Variants in KALRN observed in about 807,000 individuals in gnomAD.
KALRN encodes kalirin RhoGEF kinase.
KALRN carries 70 observed loss-of-function variants against 353.7 expected under a neutral mutation model. That is an observed-to-expected ratio of 0.20 (90% confidence interval 0.16 to 0.24). The LOEUF is 0.24. KALRN is among the 10% of genes least tolerant of loss of function. KALRN has a pLI of 1.00. For synonymous variants in KALRN, 1,391 were observed against 1,434.8 expected (o/e 0.97, Z 0.69); for missense variants, 2,791 against 3,756.7 (o/e 0.74, Z 6.72).
chr3:124,207,252 C>T (rs1249930835), intron 1 of KALRN, among the ~76,000 whole-genome samples: 1 of 152,230 alleles, frequency 6.6e-6, no homozygotes, highest in African/African-American at 2.4e-5. Flanking sequence ...GGCACATAGA[C>T]ATCCTTCCCT....
chr3:124,133,365 G>C (rs2065538804), intron 1 of KALRN, among the ~76,000 whole-genome samples: 1 of 152,196 alleles, frequency 6.6e-6, no homozygotes, highest in African/African-American at 2.4e-5. Flanking sequence ...CACAAGGTTT[G>C]TCTATTAAGT....
intron 58 of KALRN, among the ~76,000 whole-genome samples, chr3:124,716,269 A>ACAAGCC (rs2063129193): frequency 1.3e-5 from 2 of 152,202 alleles, no homozygotes; most frequent in African/African-American, 4.8e-5. Context: ...CATGTTTGTA[A>ACAAGCC]TCCCACCGTT....
At chr3:124,281,288 A>G (rs760841335) in intron 5 of KALRN, among the ~76,000 whole-genome samples, 3 of 152,168 alleles carry the variant, frequency 2.0e-5, no homozygotes, top group Non-Finnish European at 2.9e-5. Flanking sequence ...TCTGTAACAT[A>G]TGCGTTCTGG....
intron 13 of KALRN, among the ~76,000 whole-genome samples, chr3:124,405,289 C>T (rs1560826814): frequency 1.3e-5 from 2 of 152,148 alleles, no homozygotes; most frequent in South Asian, 4.1e-4. Flanking sequence ...ATGTTCAGAT[C>T]ACTCTGTAAT....
chr3:124,097,801 G>C (rs989962529), intron 1 of KALRN, among the ~76,000 whole-genome samples: 3 of 152,220 alleles, frequency 2.0e-5, no homozygotes, highest in Non-Finnish European at 4.4e-5. Context: ...TTATTTGACA[G>C]TGTACTACCA....
intron 57 of KALRN, among the ~76,000 whole-genome samples, chr3:124,707,736 A>G (rs963345572): frequency 5.3e-5 from 8 of 152,186 alleles, no homozygotes; most frequent in Non-Finnish European, 7.3e-5. Context: ...AAACTGCATG[A>G]CAATGCAGGA....
intron 55 of KALRN, among the ~76,000 whole-genome samples, chr3:124,698,265 C>T (rs926195181): frequency 2.1e-4 from 32 of 152,230 alleles, no homozygotes; most frequent in Admixed American, 6.5e-5. Flanking sequence ...CGTAAGCCAC[C>T]GCGCCCGGCC....
At chr3:124,436,414 A>G (rs1011832645) in intron 17 of KALRN, among the ~76,000 whole-genome samples, 2 of 152,248 alleles carry the variant, frequency 1.3e-5, no homozygotes, top group Non-Finnish European at 2.9e-5. Flanking sequence ...AAGTTTTTAC[A>G]TGTCTTTAAG....
At chr3:124,470,212 T>C (rs2060747869) in intron 25 of KALRN, among the ~76,000 whole-genome samples, 1 of 152,222 alleles carries the variant, frequency 6.6e-6, no homozygotes, top group African/African-American at 2.4e-5. Flanking sequence ...GCTTTGCTCA[T>C]TCCTTCACAA....
At chr3:124,267,342 G>A (rs1247256734) in intron 4 of KALRN, among the ~76,000 whole-genome samples, 1 of 152,176 alleles carries the variant, frequency 6.6e-6, no homozygotes, top group Non-Finnish European at 1.5e-5. Flanking sequence ...TGCAGATTCT[G>A]CCTCAATAGG....
chr3:124,618,897 C>T (rs1485595215), intron 34 of KALRN, among the ~76,000 whole-genome samples: 1 of 152,194 alleles, frequency 6.6e-6, no homozygotes, highest in African/African-American at 2.4e-5. Flanking sequence ...TCAGTTCCTA[C>T]TTATCCACTA....
intron 1 of KALRN, among the ~76,000 whole-genome samples, chr3:124,215,270 G>A (rs868730383): frequency 6.6e-6 from 1 of 152,140 alleles, no homozygotes; most frequent in African/African-American, 2.4e-5. Flanking sequence ...TGTAGTACTC[G>A]CCGAATAGCC....
chr3:124,526,453 T>C (rs2067599082), intron 33 of KALRN, among the ~76,000 whole-genome samples: 1 of 152,032 alleles, frequency 6.6e-6, no homozygotes, highest in Non-Finnish European at 1.5e-5. Context: ...CGTGCACCTG[T>C]AGTCCTAGCT....
chr3:124,718,455 T>C (rs561728860), intron 59 of KALRN, among the ~76,000 whole-genome samples: 2 of 152,134 alleles, frequency 1.3e-5, no homozygotes, highest in Non-Finnish European at 2.9e-5. Context: ...ATCTGGGCTG[T>C]CACACAATTT....
At chr3:124,695,723 T>A (rs2062021018) in intron 53 of KALRN, among the ~76,000 whole-genome samples, 1 of 152,112 alleles carries the variant, frequency 6.6e-6, no homozygotes, top group Non-Finnish European at 1.5e-5. Flanking sequence ...AAAATATTTT[T>A]ATTCTTGAGT....
intron 1 of KALRN, among the ~76,000 whole-genome samples, chr3:124,126,188 GT>G (rs60763765): frequency 4.0e-4 from 60 of 149,838 alleles, no homozygotes; most frequent in African/African-American, 9.8e-4. Flanking sequence ...TAATGATTCT[GT>G]TTTTTTTTCT....
chr3:124,596,276 C>T (rs1311337496), intron 34 of KALRN, among the ~76,000 whole-genome samples: 3 of 150,862 alleles, frequency 2.0e-5, no homozygotes, highest in Non-Finnish European at 4.4e-5. Context: ...CTGAGGTCAG[C>T]AGTTCGAGGC....
Position 124,268,834 on chromosome 3 carries a change from A to T in KALRN, c.548A>T (p.Glu183Val). Residue 183 changes from glutamate to valine, a missense_variant, in exon 5 of 60, where the codon GAG becomes GTG. Physicochemically the swap from Glu to Val is moderately radical, Grantham distance 121. Around this residue, in one of 11 missense-constraint regions of KALRN, gnomAD observed 366 missense variants for 489.2 expected, o/e 0.75. Transcript: ENST00000682506. Reference sequence around the variant, plus strand: ...GATGGCTCCCTGGACTACAACCATGAGGAGTGGATCGAACTGCGGCTCTCC... The same window carrying T: ...GATGGCTCCCTGGACTACAACCATGTGGAGTGGATCGAACTGCGGCTCTCC... ...EFDGSLDYNH[E>V]EWIELRLSLE... 1 of 1,614,132 alleles carries T rather than the reference A, an allele frequency of 6.2e-7. No individual in the cohort carries two copies. The highest frequency in any genetic ancestry group is 8.5e-7 in the Non-Finnish European group (1 of 1,180,014).
At chr3:124,170,747 T>C (rs1018824213) in intron 1 of KALRN, among the ~76,000 whole-genome samples, 1 of 151,882 alleles carries the variant, frequency 6.6e-6, no homozygotes, top group African/African-American at 2.4e-5. Context: ...TTGGGGTTTT[T>C]TGAAGCCTGC....
Sources: gnomAD v4.1 joint callset for allele counts (sites outside exome capture counted in the v4.1 genomes callset) on GRCh38, gnomAD v4.1.1 for gene constraint, gnomAD v4.1.1 regional missense constraint, MANE v1.5 for transcripts, NCBI Gene and HGNC (gene_info 2026-07-23, HGNC 2026-07-21) for gene names.